Variants in ESR1 observed in about 807,000 individuals in gnomAD.
ESR1 encodes estrogen receptor.
Under a neutral mutation model 52.7 loss-of-function variants are expected in ESR1, and 12 were observed. The observed-to-expected ratio is 0.23, with a 90% CI of 0.15 to 0.37. The LOEUF is 0.37. ESR1 is among the 10% of genes least tolerant of loss of function. The probability of loss-of-function intolerance (pLI) is 1.00; values close to 1 mark genes in which losing one functional copy is unlikely to be tolerated. For missense variants in ESR1, 584 were observed against 779.7 expected (o/e 0.75, Z 2.99); for synonymous variants, 305 against 316.8 (o/e 0.96, Z 0.39).
chr6:152,085,744 G>A (rs2049659094), intron 6 of ESR1, among the ~76,000 whole-genome samples: 1 of 152,152 alleles, frequency 6.6e-6, no homozygotes, highest in Admixed American at 6.5e-5. Flanking sequence ...CATGCACTTA[G>A]AAGTGGTAAT....
intron 1 of ESR1, among the ~76,000 whole-genome samples, chr6:151,840,569 A>G (rs942263079): frequency 3.3e-5 from 5 of 152,220 alleles, no homozygotes; most frequent in South Asian, 4.1e-4. Flanking sequence ...ATTGTGAACC[A>G]TAATAATGAC....
chr6:151,670,772 T>C (rs975651193), intron 1 of ESR1, among the ~76,000 whole-genome samples: 2 of 146,678 alleles, frequency 1.4e-5, no homozygotes, highest in East Asian at 3.9e-4. Context: ...GTTTTTTTTT[T>C]TTTTTTTTTT....
chr6:151,975,000 T>C (rs76064752), intron 4 of ESR1, among the ~76,000 whole-genome samples: 2,583 of 152,336 alleles, frequency 0.017, 85 homozygotes, highest in African/African-American at 0.058. Context: ...TCTTTTCACC[T>C]GGACTTTTCC....
intron 1 of ESR1, among the ~76,000 whole-genome samples, chr6:151,695,567 G>A (rs1325221333): frequency 6.6e-6 from 1 of 152,140 alleles, no homozygotes; most frequent in Admixed American, 6.5e-5. Flanking sequence ...TTCAGAGGAA[G>A]CCATCAAGGT....
chr6:151,970,221 C>T (rs990907113), intron 4 of ESR1, among the ~76,000 whole-genome samples: 4 of 152,154 alleles, frequency 2.6e-5, no homozygotes, highest in Admixed American at 2.0e-4. Context: ...TAAGGAAGGC[C>T]AGTGATATAG....
chr6:152,074,843 A>T (rs1179737821), intron 6 of ESR1, among the ~76,000 whole-genome samples: 1 of 152,186 alleles, frequency 6.6e-6, no homozygotes, highest in Non-Finnish European at 1.5e-5. Context: ...ATAATATCAC[A>T]TGGAGCATCT....
chr6:151,830,155 A>G (rs1048621873), intron 1 of ESR1, among the ~76,000 whole-genome samples: 1 of 152,302 alleles, frequency 6.6e-6, no homozygotes, highest in South Asian at 2.1e-4. Flanking sequence ...CTTTTGTGTT[A>G]GTCAGTGGGT....
At chr6:152,092,260 T>C (rs944838462) in intron 6 of ESR1, among the ~76,000 whole-genome samples, 2 of 152,274 alleles carry the variant, frequency 1.3e-5, no homozygotes, top group African/African-American at 4.8e-5. Flanking sequence ...CATTCTGTGC[T>C]GTTTGCTTTA....
intron 4 of ESR1, among the ~76,000 whole-genome samples, chr6:151,997,112 A>G (rs1194580624): frequency 6.6e-6 from 1 of 152,046 alleles, no homozygotes; most frequent in Non-Finnish European, 1.5e-5. Flanking sequence ...CAAAACAAAA[A>G]CAATGTGTGA....
intron 2 of ESR1, among the ~76,000 whole-genome samples, chr6:151,880,181 G>GTTTTTTT (rs71017515): frequency 1.5e-4 from 18 of 116,350 alleles, no homozygotes; most frequent in East Asian, 5.0e-4. Flanking sequence ...TTTTTGTTCT[G>GTTTTTTT]TTTTTTTTTT....
intron 4 of ESR1, among the ~76,000 whole-genome samples, chr6:151,977,951 GAAAAAAAAAAAGAAAA>G (rs1562622767): frequency 2.9e-5 from 2 of 68,746 alleles, no homozygotes; most frequent in Non-Finnish European, 5.4e-5. Context: ...GAGACAGCAG[GAAAAAAAAAAAGAAAA>G]AAAAAAAAAA....
intron 2 of ESR1, among the ~76,000 whole-genome samples, chr6:151,860,646 C>T (rs572694288): frequency 6.6e-6 from 1 of 152,220 alleles, no homozygotes; most frequent in South Asian, 2.1e-4. Context: ...ATGGATGAAC[C>T]TGGATGACAT....
At chr6:151,963,640 C>T (rs1242139866) in intron 4 of ESR1, among the ~76,000 whole-genome samples, 2 of 152,166 alleles carry the variant, frequency 1.3e-5, no homozygotes, top group Admixed American at 6.5e-5. Context: ...TATCTTTTCA[C>T]TTTGTCAATT....
At chr6:151,961,986 T>A (rs1321559734) in intron 4 of ESR1, among the ~76,000 whole-genome samples, 1 of 151,680 alleles carries the variant, frequency 6.6e-6, no homozygotes, top group East Asian at 1.9e-4. Context: ...GACCAGGAAG[T>A]GGAAACTGTG....
At position 152,099,845 on chromosome 6, in the gene ESR1, G is replaced by C. The variant is rs745397925; in HGVS notation, c.*879G>C. ...GTCAGCTTCAGGACCTGTTCCAGTG[G>C]GCACTGTACTTGGATCTTCCCGGCG... is the stretch of plus-strand genomic sequence containing the variant. On this transcript the variant is annotated 3_prime_UTR_variant, in exon 8 of 8. Transcript: ENST00000206249. 107 of 396,566 alleles carry C rather than the reference G, an allele frequency of 2.7e-4. No homozygotes were observed. The highest frequency in any genetic ancestry group is 1.1e-3 in the Admixed American group (25 of 22,690). The allele number at this position is 396,566 out of a possible 1,614,324, so 24.6% of individuals were successfully genotyped here.
intron 3 of ESR1, among the ~76,000 whole-genome samples, chr6:151,888,900 T>C (rs1169802671): frequency 6.6e-6 from 1 of 152,188 alleles, no homozygotes; most frequent in African/African-American, 2.4e-5. Context: ...TTTTGTCAAA[T>C]GCATTTTTTC....
At chr6:151,826,657 C>T (rs1208714154) in intron 1 of ESR1, among the ~76,000 whole-genome samples, 1 of 152,288 alleles carries the variant, frequency 6.6e-6, no homozygotes, top group Non-Finnish European at 1.5e-5. Flanking sequence ...GCTTGTCTCC[C>T]GTGCTCTTAC....
chr6:152,096,315 G>A (rs1186698320), intron 7 of ESR1, among the ~76,000 whole-genome samples: 1 of 152,172 alleles, frequency 6.6e-6, no homozygotes, highest in Non-Finnish European at 1.5e-5. Context: ...ATGTCTTAAG[G>A]AGGTTGGATT....
At chr6:152,001,276 C>T (rs1317032882) in intron 4 of ESR1, among the ~76,000 whole-genome samples, 1 of 151,966 alleles carries the variant, frequency 6.6e-6, no homozygotes, top group Non-Finnish European at 1.5e-5. Context: ...CACATCTGGC[C>T]ATCCTTTAAT....
Sources: gnomAD v4.1 joint callset for allele counts (sites outside exome capture counted in the v4.1 genomes callset) on GRCh38, gnomAD v4.1.1 for gene constraint, MANE v1.5 for transcripts, NCBI Gene and HGNC (gene_info 2026-07-23, HGNC 2026-07-21) for gene names.